ABCC4: variants seen among roughly 807,000 people sequenced by gnomAD.
ABCC4 encodes ATP binding cassette subfamily C member 4 (PEL blood group), also known as ATP-binding cassette sub-family C member 4.
Under a neutral mutation model 168.5 loss-of-function variants are expected in ABCC4, and 102 were observed. The ratio of observed to expected loss-of-function variants is 0.61; its 90% CI spans 0.52 to 0.71. The LOEUF (loss-of-function observed/expected upper bound fraction) is 0.71. ABCC4 is among the 30% of genes least tolerant of loss of function. ABCC4 has a pLI of 0.00. For missense variants in ABCC4, 1,402 were observed against 1,605.8 expected (o/e 0.87, Z 2.17); for synonymous variants, 617 against 590.7 (o/e 1.04, Z -0.65).
intron 4 of ABCC4, among the ~76,000 whole-genome samples, chr13:95,225,007 T>C (rs925449013): frequency 1.3e-5 from 2 of 152,068 alleles, no homozygotes; most frequent in Non-Finnish European, 2.9e-5. Flanking sequence ...AAACTTTAAA[T>C]ACAAGTGAAT....
intron 1 of ABCC4, among the ~76,000 whole-genome samples, chr13:95,257,132 A>G (rs1026499717): frequency 1.3e-5 from 2 of 152,256 alleles, no homozygotes; most frequent in Admixed American, 1.3e-4. Flanking sequence ...CCAGTAACAT[A>G]AAGTTGATGA....
chr13:95,072,482 A>T (rs544535971), intron 24 of ABCC4, among the ~76,000 whole-genome samples: 5 of 152,142 alleles, frequency 3.3e-5, no homozygotes, highest in Admixed American at 2.0e-4. Flanking sequence ...CCCCCCAAAA[A>T]AGAATCTTTT....
intron 26 of ABCC4, among the ~76,000 whole-genome samples, chr13:95,054,199 T>G (rs547766380): frequency 2.0e-4 from 30 of 151,900 alleles, no homozygotes; most frequent in Non-Finnish European, 4.3e-4. Flanking sequence ...ACCTCATTAT[T>G]AACTAAGAAA....
At position 95,194,911 on chromosome 13, in the gene ABCC4, T is replaced by C. The variant is rs1318041496; in HGVS notation, c.1188A>G (p.Ser396=). The C allele has an allele frequency of 6.2e-7, 1 of 1,614,014 alleles. No individual in the cohort carries two copies. Among genetic ancestry groups the C allele is most frequent in the Non-Finnish European group, 8.5e-7 (1 of 1,180,026 alleles). Residue 396 remains serine (S), a synonymous_variant, in exon 9 of 31, where the codon TCA becomes TCG. Transcript: ENST00000645237. ...CTGACGGCAGCTGACGGTTGCGCTG[T>C]GATATCTCATCAAGTAGCAAAAAGG... The part of the protein sequence containing the change: ...IQTFLLLDEI[S]QRNRQLPSDG...
At chr13:95,096,167 C>A in intron 20 of ABCC4, 1 of 636,502 alleles carries the variant, frequency 1.6e-6, no homozygotes, top group South Asian at 1.8e-5. Flanking sequence ...GACAACACAG[C>A]GAGATCCCAT....
At chr13:95,048,122 T>C (rs1486056967) in intron 27 of ABCC4, among the ~76,000 whole-genome samples, 2 of 152,240 alleles carry the variant, frequency 1.3e-5, no homozygotes, top group African/African-American at 2.4e-5. Flanking sequence ...CTAAATGTCA[T>C]TGTAAAAGAA....
At position 95,047,535 on chromosome 13, in the gene ABCC4, A is replaced by C. The variant is rs1191864901; in HGVS notation, c.3457-3097T>G. Among the ~76,000 whole-genome samples the C allele has an allele frequency of 2.5e-5, 3 of 120,432 alleles. No homozygotes were observed. In the South Asian group the frequency reaches 8.2e-4, roughly 33 times the overall value. The allele number at this position is 120,432 out of a possible 152,430, so 79.0% of individuals were successfully genotyped here. Reference sequence around the variant, plus strand: ...TGCTCTGTCACCCAGGTTGGAGTGCAGTGGTGCGATCTCAGCTCACTGCAA... The same window carrying C: ...TGCTCTGTCACCCAGGTTGGAGTGCCGTGGTGCGATCTCAGCTCACTGCAA... On this transcript the variant is annotated intron_variant, in intron 27 of 30. Coordinates refer to ENST00000645237, the MANE Select transcript of ABCC4 (RefSeq NM_005845.5).
At chr13:95,097,776 C>A (rs2034658032) in intron 20 of ABCC4, among the ~76,000 whole-genome samples, 1 of 151,028 alleles carries the variant, frequency 6.6e-6, no homozygotes, top group African/African-American at 2.4e-5. Flanking sequence ...AAAAAAAAAT[C>A]CCTAAATCTT....
chr13:95,240,383 T>G (rs2039902582), intron 3 of ABCC4, among the ~76,000 whole-genome samples: 1 of 151,436 alleles, frequency 6.6e-6, no homozygotes, highest in Admixed American at 6.6e-5. Flanking sequence ...AATACAAAAT[T>G]ACCCGGGCAT....
chr13:95,124,921 G>A (rs1449953394), intron 19 of ABCC4, among the ~76,000 whole-genome samples: 2 of 150,980 alleles, frequency 1.3e-5, no homozygotes, highest in Non-Finnish European at 1.5e-5. Context: ...ATAATATAAA[G>A]GTACATCCTA....
At position 95,164,354 on chromosome 13, in the gene ABCC4, C is replaced by T. The variant is rs11568665; in HGVS notation, c.2175+24G>A. 4.5e-4 allele frequency: 726 copies of T among 1,612,934 alleles called. 2 individuals carry two copies. In the African/African-American group the frequency reaches 7.3e-3, roughly 16 times the overall value. The stretch of plus-strand genomic sequence containing the variant: ...GGTACTGTAAATATCATTTTGAGGG[C>T]GCAAAACAAATGTCATTATTTACCT... On this transcript the variant is annotated intron_variant, in intron 16 of 30. Coordinates refer to ENST00000645237, the MANE Select transcript of ABCC4 (RefSeq NM_005845.5).
At chr13:95,218,905 AAGAG>A (rs1156394678) in intron 4 of ABCC4, among the ~76,000 whole-genome samples, 3,609 of 43,822 alleles carry the variant, frequency 0.082, 138 homozygotes, top group Non-Finnish European at 0.11. Context: ...GAGAGAGAGA[AAGAG>A]AGAGAGAGAG....
intron 20 of ABCC4, 94 bp downstream of exon 20, chr13:95,115,828 C>G: frequency 1.0e-6 from 1 of 968,952 alleles, no homozygotes; most frequent in Admixed American, 2.2e-5. Flanking sequence ...CACAGCCAGG[C>G]CGAGAGTCCC....
rs79171605 is a variant in ABCC4, at chr13:95,113,135, G to A, written c.2535+2787C>T. ...GGCTCTAGAAATAAATTTTAAAAAT[G>A]TATCACAGAACTGAGTCAAAGTAGA... On this transcript the variant is annotated intron_variant, in intron 20 of 30. Coordinates refer to ENST00000645237, the MANE Select transcript of ABCC4 (RefSeq NM_005845.5). Among the ~76,000 whole-genome samples, 1,119 of 152,218 alleles carry A rather than the reference G, an allele frequency of 7.4e-3. 9 individuals carry two copies. Among genetic ancestry groups the A allele is most frequent in the Non-Finnish European group, 0.012 (808 of 68,014 alleles).
chr13:95,050,955 T>C (rs940877321), intron 27 of ABCC4, among the ~76,000 whole-genome samples: 1 of 152,212 alleles, frequency 6.6e-6, no homozygotes, highest in African/African-American at 2.4e-5. Flanking sequence ...TATGAGTAAT[T>C]CTTGTTCTTT....
At chr13:95,233,352 C>G (rs547729751) in intron 4 of ABCC4, among the ~76,000 whole-genome samples, 1 of 151,418 alleles carries the variant, frequency 6.6e-6, no homozygotes, top group Non-Finnish European at 1.5e-5. Flanking sequence ...TTTGCAGCCA[C>G]GTGGATGCAG....
chr13:95,242,141 C>T (rs758037269), intron 3 of ABCC4, among the ~76,000 whole-genome samples: 13 of 152,086 alleles, frequency 8.5e-5, no homozygotes, highest in Non-Finnish European at 1.0e-4. Flanking sequence ...ATCCAAAATA[C>T]GAAGATCCAC....
At chr13:95,244,358 G>A (rs1267736776) in intron 3 of ABCC4, among the ~76,000 whole-genome samples, 1 of 151,678 alleles carries the variant, frequency 6.6e-6, no homozygotes. Context: ...CACTTTGAGA[G>A]GCCAAGGTGG....
At chr13:95,169,181 T>C (rs1227343919) in intron 14 of ABCC4, among the ~76,000 whole-genome samples, 2 of 152,208 alleles carry the variant, frequency 1.3e-5, no homozygotes, top group Non-Finnish European at 2.9e-5. Flanking sequence ...ATTTTGGACT[T>C]GCAGCCTCAG....
Sources: gnomAD v4.1 joint callset for allele counts (sites outside exome capture counted in the v4.1 genomes callset) on GRCh38, gnomAD v4.1.1 for gene constraint, MANE v1.5 for transcripts, NCBI Gene and HGNC (gene_info 2026-07-23, HGNC 2026-07-21) for gene names.